FOCAD: variants seen among roughly 807,000 people sequenced by gnomAD.
FOCAD encodes the protein focadhesin.
Under a neutral mutation model 225.6 loss-of-function variants are expected in FOCAD, and 198 were observed. The ratio of observed to expected loss-of-function variants is 0.88; its 90% CI spans 0.78 to 0.99. FOCAD has a LOEUF of 0.99. FOCAD is among the 50% of genes least tolerant of loss of function. The probability of loss-of-function intolerance (pLI) is 0.00; values close to 1 mark genes in which losing one functional copy is unlikely to be tolerated. For synonymous variants in FOCAD, 897 were observed against 755.0 expected (o/e 1.19, Z -3.08); for missense variants, 2,713 against 2,123.6 (o/e 1.28, Z -5.46).
intron 24 of FOCAD, among the ~76,000 whole-genome samples, chr9:20,919,757 A>G (rs1328726949): frequency 2.6e-5 from 4 of 152,134 alleles, no homozygotes; most frequent in African/African-American, 9.7e-5. Flanking sequence ...CTGGCTAGCC[A>G]TATGTAGAAA....
At chr9:20,853,640 A>G (rs1172130823) in intron 15 of FOCAD, among the ~76,000 whole-genome samples, 3 of 151,772 alleles carry the variant, frequency 2.0e-5, no homozygotes, top group Non-Finnish European at 4.4e-5. Context: ...GAACAGGACA[A>G]AAGTTGTTCA....
At chr9:20,667,399 C>T (rs549044906) in intron 2 of FOCAD, among the ~76,000 whole-genome samples, 2 of 152,174 alleles carry the variant, frequency 1.3e-5, no homozygotes, top group South Asian at 4.2e-4. Context: ...ATGCATTAAC[C>T]CAGAAGGAAG....
intron 1 of FOCAD, among the ~76,000 whole-genome samples, chr9:20,704,233 C>G (rs1042263408): frequency 6.6e-6 from 1 of 152,162 alleles, no homozygotes; most frequent in Non-Finnish European, 1.5e-5. Flanking sequence ...CAGAGATACT[C>G]TCCATGTCCA....
intron 35 of FOCAD, among the ~76,000 whole-genome samples, chr9:20,973,442 G>C (rs1477585091): frequency 6.9e-6 from 1 of 145,946 alleles, no homozygotes; most frequent in Non-Finnish European, 1.5e-5. Context: ...TGCTAATTTG[G>C]TCTCTGCTTC....
intron 15 of FOCAD, among the ~76,000 whole-genome samples, chr9:20,843,361 T>C (rs1826740494): frequency 6.6e-6 from 1 of 152,120 alleles, no homozygotes; most frequent in Admixed American, 6.6e-5. Context: ...TTGAAGGATA[T>C]TTTTACTGAA....
At chr9:20,978,223 AGTTCT>A (rs1840377903) in intron 36 of FOCAD, 111 bp from the exon 37 acceptor site, 1 of 585,092 alleles carries the variant, frequency 1.7e-6, no homozygotes, top group South Asian at 2.6e-5. Context: ...GGTTTACTGA[AGTTCT>A]GTTACCTGCA....
chr9:20,853,722 C>G (rs1443711099), intron 15 of FOCAD, among the ~76,000 whole-genome samples: 1 of 151,720 alleles, frequency 6.6e-6, no homozygotes, highest in Non-Finnish European at 1.5e-5. Flanking sequence ...ACCTCAATAT[C>G]TATATCTGTT....
chr9:20,660,987 G>T (rs1258152102), intron 2 of FOCAD, among the ~76,000 whole-genome samples: 2 of 152,188 alleles, frequency 1.3e-5, no homozygotes, highest in Non-Finnish European at 2.9e-5. Flanking sequence ...TAGACCACGG[G>T]AAAGGAGTCA....
intron 15 of FOCAD, among the ~76,000 whole-genome samples, chr9:20,845,442 G>A (rs940743930): frequency 4.9e-5 from 6 of 121,236 alleles, no homozygotes; most frequent in African/African-American, 1.9e-4. Flanking sequence ...TCTTTTCCTC[G>A]ATATATATAT....
At chr9:20,863,053 C>T (rs1002841615) in intron 16 of FOCAD, 1 of 167,854 alleles carries the variant, frequency 6.0e-6, no homozygotes, top group African/African-American at 2.4e-5. Flanking sequence ...GCCACAAAGA[C>T]ATTAATAAAG....
intron 21 of FOCAD, among the ~76,000 whole-genome samples, chr9:20,899,075 A>G (rs1172356887): frequency 6.6e-6 from 1 of 151,900 alleles, no homozygotes; most frequent in East Asian, 1.9e-4. Context: ...GCTTTCCCCC[A>G]GGCTGGTTAG....
chr9:20,949,878 T>C (rs1230325918), intron 33 of FOCAD, among the ~76,000 whole-genome samples: 1 of 152,110 alleles, frequency 6.6e-6, no homozygotes, highest in Admixed American at 6.6e-5. Flanking sequence ...AAAAGAAAGC[T>C]GGCATTTTTT....
In FOCAD at chr9:20,764,938, A is replaced by C; in HGVS notation, c.564A>C (p.Leu188Phe). Residue 188 changes from leucine (L) to phenylalanine (F), a missense_variant, in exon 7 of 44, where the codon TTA becomes TTC. Coordinates refer to ENST00000338382, the MANE Select transcript of FOCAD (RefSeq NM_001375567.1). ...ATCTGTATTGTGAACCATCTCAGTT[A>C]CAAGAATATGCTAAACTCCGACTAG... ...LWYLYCEPSQ[L>F]QEYAKLRLAL... 6.2e-7 allele frequency: 1 copy of C among 1,614,174 alleles called. No homozygotes were observed.
chr9:20,803,771 T>C (rs1822098721), intron 11 of FOCAD, among the ~76,000 whole-genome samples: 1 of 152,280 alleles, frequency 6.6e-6, no homozygotes, highest in South Asian at 2.1e-4. Flanking sequence ...CCTTGGGACC[T>C]GTTCGAGGTG....
chr9:20,716,774 C>T (rs1825370925), intron 2 of FOCAD, among the ~76,000 whole-genome samples: 1 of 152,136 alleles, frequency 6.6e-6, no homozygotes, highest in African/African-American at 2.4e-5. Context: ...TAATTGATGG[C>T]AGCAGTTGAG....
intron 43 of FOCAD, among the ~76,000 whole-genome samples, chr9:20,993,788 A>G (rs1841859828): frequency 2.0e-5 from 3 of 152,168 alleles, no homozygotes; most frequent in African/African-American, 7.2e-5. Context: ...TTAGTGTGGC[A>G]TTTTGAACCA....
Position 20,764,939 on chromosome 9 carries a change from C to T in FOCAD, c.565C>T (p.Gln189Ter), listed in dbSNP as rs1235054597. 5 of 1,614,082 alleles carry T rather than the reference C, an allele frequency of 3.1e-6. No homozygotes were observed. Among genetic ancestry groups the T allele is most frequent in the Non-Finnish European group, 8.5e-7 (1 of 1,180,000 alleles). The change falls in exon 7 of 44, where the codon CAA (glutamine) becomes TAA (stop). Residue 189 changes from glutamine (Q) to a stop codon, truncating the protein, a stop_gained. Transcript: ENST00000338382. LOFTEE classifies it high-confidence loss of function. The part of the protein sequence containing the change: ...WYLYCEPSQL[Q>*]EYAKLRLALL... ...TCTGTATTGTGAACCATCTCAGTTA[C>T]AAGAATATGCTAAACTCCGACTAGC...
Position 20,929,436 on chromosome 9 carries a change from G to GTTTTCATT in FOCAD, c.3158_3165dup (p.Ile1056PhefsTer14), listed in dbSNP as rs748902559. On this transcript the variant is annotated frameshift_variant, in exon 27 of 44. Coordinates refer to ENST00000338382, the MANE Select transcript of FOCAD (RefSeq NM_001375567.1). LOFTEE classifies it high-confidence loss of function. ...CACGGCTTTGTCTCTCCTTGTGCCAGTTTTCATTATCTCTTGCAAAGAGAA... is the reference window on the plus strand; with the variant it reads ...CACGGCTTTGTCTCTCCTTGTGCCAGTTTTCATTTTTTCATTATCTCTTGCAAAGAGAA... 6.2e-7 allele frequency: 1 copy of GTTTTCATT among 1,614,096 alleles called. No homozygotes were observed. Among genetic ancestry groups the GTTTTCATT allele is most frequent in the Admixed American group, 1.7e-5 (1 of 59,996 alleles).
chr9:20,846,860 A>G (rs1472508175), intron 15 of FOCAD, among the ~76,000 whole-genome samples: 1 of 152,124 alleles, frequency 6.6e-6, no homozygotes, highest in African/African-American at 2.4e-5. Flanking sequence ...CCCATTGCCA[A>G]ATACTGTGCC....
Sources: allele counts gnomAD v4.1 joint callset (sites outside exome capture counted in the v4.1 genomes callset), GRCh38; gene constraint gnomAD v4.1.1; transcripts MANE v1.5; gene names NCBI Gene and HGNC (gene_info 2026-07-23, HGNC 2026-07-21).